Variants in NEURL1B observed in about 807,000 individuals in gnomAD.
NEURL1B encodes E3 ubiquitin-protein ligase NEURL1B.
Under a neutral mutation model 37.4 loss-of-function variants are expected in NEURL1B, and 13 were observed. The observed-to-expected ratio is 0.35, with a 90% CI of 0.23 to 0.55. NEURL1B has a LOEUF of 0.55. Ranked by LOEUF, NEURL1B falls within the 20% of genes least tolerant of loss-of-function variation. NEURL1B has a pLI of 0.89. For missense variants in NEURL1B, 790 were observed against 879.2 expected (o/e 0.90, Z 1.28); for synonymous variants, 432 against 426.6 (o/e 1.01, Z -0.16).
chr5:172,660,302 C>T (rs537366425), intron 1 of NEURL1B, among the ~76,000 whole-genome samples: 4 of 152,194 alleles, frequency 2.6e-5, no homozygotes, highest in Non-Finnish European at 5.9e-5. Context: ...GAGGGGGCGT[C>T]GGGATGACCT....
chr5:172,663,961 G>T (rs1296972796), intron 1 of NEURL1B, among the ~76,000 whole-genome samples: 1 of 151,702 alleles, frequency 6.6e-6, no homozygotes, highest in Non-Finnish European at 1.5e-5. Flanking sequence ...TGTAGTGACT[G>T]CCAGGAGGCG....
intron 1 of NEURL1B, among the ~76,000 whole-genome samples, chr5:172,652,060 C>T (rs1331328549): frequency 6.6e-6 from 1 of 152,244 alleles, no homozygotes; most frequent in African/African-American, 2.4e-5. Context: ...TATTGGTAAG[C>T]TCTTGAAAGT....
At chr5:172,644,309 C>G (rs1385055212) in intron 1 of NEURL1B, among the ~76,000 whole-genome samples, 1 of 152,158 alleles carries the variant, frequency 6.6e-6, no homozygotes, top group South Asian at 2.1e-4. Flanking sequence ...CTTGTCCCAG[C>G]TCACACAGTT....
chr5:172,666,344 C>T (rs1758014681), intron 1 of NEURL1B, among the ~76,000 whole-genome samples: 1 of 152,220 alleles, frequency 6.6e-6, no homozygotes, highest in South Asian at 2.1e-4. Context: ...GGATGGCTAA[C>T]AGTAGTCCTT....
chr5:172,681,413 A>G (rs1758349926), intron 2 of NEURL1B, among the ~76,000 whole-genome samples: 1 of 152,226 alleles, frequency 6.6e-6, no homozygotes. Flanking sequence ...ATGCACACAT[A>G]TGTACTTTTT....
rs1283689827 is a variant in NEURL1B at position 172,688,739 on chromosome 5, GAGC to G, written c.*1818_*1820del. On this transcript the variant is annotated 3_prime_UTR_variant, in exon 5 of 5. Transcript: ENST00000369800. This position sits in a 1 kb window ranked among gnomAD's most constrained non-coding sequence, Gnocchi z 4.3. ...TTTTAATTTTGCAGCAGAATCTTTTGAGCAGCTTTTGGAACCACAGTGTTTGCC... is the reference window on the plus strand; with the variant it reads ...TTTTAATTTTGCAGCAGAATCTTTTGAGCTTTTGGAACCACAGTGTTTGCC... 4 of 152,244 alleles carry G rather than the reference GAGC, an allele frequency of 2.6e-5. No homozygotes were observed. The highest frequency in any genetic ancestry group is 2.6e-4 in the Admixed American group (4 of 15,286). 9.4% of individuals were successfully genotyped at this position (152,244 alleles called of 1,614,324 possible). A position where few individuals can be genotyped will look rare whatever the true frequency, so the allele number is the denominator to read the frequency against.
Position 172,686,676 on chromosome 5 carries a change from G to A in NEURL1B, c.1424-5G>A, listed in dbSNP as rs1181824374. The A allele has an allele frequency of 2.6e-6, 4 of 1,548,224 alleles. No individual in the cohort carries two copies. The highest frequency in any genetic ancestry group is 3.5e-6 in the Non-Finnish European group (4 of 1,144,610). Reference sequence around the variant, plus strand: ...TAACATATGTCCTCTTCTCCCTTTCGGCAGTGACGGCCCCCAGCTCCCCGC... The same window carrying A: ...TAACATATGTCCTCTTCTCCCTTTCAGCAGTGACGGCCCCCAGCTCCCCGC... On this transcript the variant is annotated splice_region_variant and splice_polypyrimidine_tract_variant and intron_variant, in intron 4 of 4. Transcript: ENST00000369800. The surrounding 1 kb of genome is among the most constrained non-coding windows in gnomAD (Gnocchi z 7.9).
intron 3 of NEURL1B, among the ~76,000 whole-genome samples, chr5:172,685,740 G>C (rs547149931): frequency 7.7e-4 from 118 of 152,308 alleles, no homozygotes; most frequent in Non-Finnish European, 1.1e-3. Flanking sequence ...CCACGGGTTG[G>C]CTCTTCCAGC....
intron 1 of NEURL1B, among the ~76,000 whole-genome samples, chr5:172,652,415 C>G (rs1313480877): frequency 6.6e-6 from 1 of 152,268 alleles, no homozygotes; most frequent in Non-Finnish European, 1.5e-5. Flanking sequence ...CCATTCCAAC[C>G]AGGCATTTGC....
At chr5:172,656,995 A>C (rs1232288973) in intron 1 of NEURL1B, among the ~76,000 whole-genome samples, 1 of 152,170 alleles carries the variant, frequency 6.6e-6, no homozygotes, top group Non-Finnish European at 1.5e-5. Flanking sequence ...TGCTCCCAAA[A>C]TTGATCTGTG....
At chr5:172,659,160 A>G (rs1345432192) in intron 1 of NEURL1B, among the ~76,000 whole-genome samples, 2 of 152,024 alleles carry the variant, frequency 1.3e-5, no homozygotes, top group African/African-American at 4.8e-5. Context: ...GATGTAAGTG[A>G]GAGACCTTGG....
intron 1 of NEURL1B, among the ~76,000 whole-genome samples, chr5:172,658,571 T>C (rs2113281290): frequency 6.6e-6 from 1 of 152,296 alleles, no homozygotes; most frequent in Middle Eastern, 3.4e-3. Context: ...TGTCAGGCAC[T>C]GTGTTGACCT....
intron 1 of NEURL1B, among the ~76,000 whole-genome samples, chr5:172,650,656 A>G (rs755484237): frequency 3.9e-5 from 6 of 152,176 alleles, no homozygotes; most frequent in Non-Finnish European, 7.3e-5. Flanking sequence ...GCACTCAAAT[A>G]TACATTTTCT....
rs562259235 is a variant in NEURL1B, at chr5:172,641,642, G to A, written c.31+205G>A. Among the ~76,000 whole-genome samples the A allele has an allele frequency of 6.6e-6, 1 of 152,194 alleles. No homozygotes were observed. The highest frequency in any genetic ancestry group is 6.5e-5 in the Admixed American group (1 of 15,310). On this transcript the variant is annotated intron_variant, in intron 1 of 4. Coordinates refer to ENST00000369800, the MANE Select transcript of NEURL1B (RefSeq NM_001142651.3). The surrounding 1 kb of genome is among the most constrained non-coding windows in gnomAD (Gnocchi z 6.4). ...CCGGGAGGGCGGGTACCGCGTCCTG[G>A]TTACCTTGGGGACCCCAGTCCTCAT...
chr5:172,654,600 A>C (rs1757730419), intron 1 of NEURL1B, among the ~76,000 whole-genome samples: 1 of 143,058 alleles, frequency 7.0e-6, no homozygotes, highest in African/African-American at 2.6e-5. Flanking sequence ...TTTACTTAGG[A>C]TAGTTCTGAA....
chr5:172,648,186 C>T (rs1033057195), intron 1 of NEURL1B, among the ~76,000 whole-genome samples: 6 of 152,214 alleles, frequency 3.9e-5, no homozygotes, highest in Non-Finnish European at 8.8e-5. Flanking sequence ...GTGACGTAAC[C>T]TCTCTAAGCC....
At chr5:172,660,113 G>A (rs913738633) in intron 1 of NEURL1B, among the ~76,000 whole-genome samples, 2 of 152,294 alleles carry the variant, frequency 1.3e-5, no homozygotes, top group South Asian at 2.1e-4. Context: ...TGATGTACTC[G>A]AGAAGGAATG....
Position 172,683,736 on chromosome 5 carries a change from G to T in NEURL1B, c.895G>T (p.Ala299Ser). The T allele has an allele frequency of 7.5e-7, 1 of 1,342,004 alleles. No individual in the cohort carries two copies. The highest frequency in any genetic ancestry group is 1.5e-5 in the South Asian group (1 of 65,082). 83.1% of individuals were successfully genotyped at this position (1,342,004 alleles called of 1,614,324 possible). A position where few individuals can be genotyped will look rare whatever the true frequency, so the allele number is the denominator to read the frequency against. Residue 299 changes from alanine (A) to serine (S), a missense_variant, in exon 3 of 5, where the codon GCC becomes TCC. Physicochemically the swap from Ala to Ser is moderately conservative, Grantham distance 99. This residue lies in a region of NEURL1B where 460 missense variants were observed against 407.4 expected (regional missense o/e 1.13). Coordinates refer to ENST00000369800, the MANE Select transcript of NEURL1B (RefSeq NM_001142651.3). The surrounding 1 kb of genome is among the most constrained non-coding windows in gnomAD (Gnocchi z 5.6). ...DVSLSADRKV[A>S]CAPRPDGGRT... Reference sequence around the variant, plus strand: ...GAGCCTGTCGGCCGACCGCAAAGTGGCCTGCGCACCGCGGCCCGACGGCGG... The same window carrying T: ...GAGCCTGTCGGCCGACCGCAAAGTGTCCTGCGCACCGCGGCCCGACGGCGG...
At chr5:172,672,602 G>A (rs1300329429) in intron 2 of NEURL1B, among the ~76,000 whole-genome samples, 2 of 146,962 alleles carry the variant, frequency 1.4e-5, no homozygotes, top group African/African-American at 2.5e-5. Context: ...AACATTCTAG[G>A]AAGGGAGAGG....
Sources: gnomAD v4.1 joint callset for allele counts (sites outside exome capture counted in the v4.1 genomes callset) on GRCh38, gnomAD v4.1.1 for gene constraint, gnomAD v4.1.1 regional missense constraint, Gnocchi (gnomAD v3.1) non-coding constraint, MANE v1.5 for transcripts, NCBI Gene and HGNC (gene_info 2026-07-23, HGNC 2026-07-21) for gene names.